Variants in MEX3B observed in about 807,000 individuals in gnomAD.
MEX3B encodes the protein RNA-binding protein MEX3B.
A neutral mutation model predicts 12.2 loss-of-function variants in MEX3B; 10 were observed. That is an observed-to-expected ratio of 0.82 (90% CI 0.51 to 1.40). The LOEUF (loss-of-function observed/expected upper bound fraction) is 1.40, where lower values mean the gene tolerates loss of function less well. Ranked by LOEUF, MEX3B falls within the 40% of genes most tolerant of loss-of-function variation. The probability of loss-of-function intolerance (pLI) is 0.00; values close to 1 mark genes in which losing one functional copy is unlikely to be tolerated. For synonymous variants in MEX3B, 498 were observed against 356.3 expected (o/e 1.40, Z -4.48); for missense variants, 839 against 801.4 (o/e 1.05, Z -0.57).
In MEX3B at chr15:82,043,765, G is replaced by T. The variant is rs934630695; in HGVS notation, c.1105C>A (p.Pro369Thr). ...LQPTFDPAPA[P>T]PPGAPLIWAQ... ...CAGATAAGTGGTGCCCCAGGTGGGG[G>T]AGCGGGAGCCGGGTCAAAAGTGGGC... Residue 369 changes from proline to threonine, a missense_variant, in exon 2 of 2, where the codon CCC (proline) becomes ACC (threonine). Transcript: ENST00000329713. The T allele has an allele frequency of 1.7e-5, 26 of 1,570,844 alleles. No individual in the cohort carries two copies. The highest frequency in any genetic ancestry group is 2.1e-5 in the Non-Finnish European group (24 of 1,159,934).
intron 1 of MEX3B, chr15:82,045,212 G>A (rs530605900): frequency 8.2e-5 from 53 of 642,844 alleles, no homozygotes; most frequent in East Asian, 6.3e-4. Flanking sequence ...GGGGCGTTAG[G>A]GGAGAAGGCA....
chr15:82,044,437 T>C lies in MEX3B; in HGVS notation c.433A>G (p.Thr145Ala). 1 of 1,613,044 alleles carries C rather than the reference T, an allele frequency of 6.2e-7. No individual in the cohort carries two copies. Among genetic ancestry groups the C allele is most frequent in the Non-Finnish European group, 8.5e-7 (1 of 1,179,982 alleles). ...SMIRASRNKN[T>A]ALNGAVPGPP... is the part of the protein sequence containing the mutation. Reference sequence around the variant, plus strand: ...CCAGGCACCGCGCCGTTGAGTGCCGTGTTCTTATTCCGGGAGGCGCGGATC... The same window carrying C: ...CCAGGCACCGCGCCGTTGAGTGCCGCGTTCTTATTCCGGGAGGCGCGGATC... Residue 145 changes from threonine to alanine, a missense_variant, in exon 2 of 2, where the codon ACG (threonine) becomes GCG (alanine). By Grantham distance (58) the Thr-to-Ala change is moderately conservative (BLOSUM62 0). Transcript: ENST00000329713. The surrounding 1 kb of genome is among the most constrained non-coding windows in gnomAD (Gnocchi z 5.3).
At position 82,044,739 on chromosome 15, in the gene MEX3B, C is replaced by A. The variant is rs1038337922; in HGVS notation, c.257-126G>T. The A allele has an allele frequency of 4.0e-5, 37 of 928,374 alleles. No homozygotes were observed. Among genetic ancestry groups the A allele is most frequent in the Admixed American group, 8.4e-5 (4 of 47,364 alleles). The allele number at this position is 928,374 out of a possible 1,614,324, so 57.5% of individuals were successfully genotyped here. A position where few individuals can be genotyped will look rare whatever the true frequency, so the allele number is the denominator to read the frequency against. On this transcript the variant is annotated intron_variant, in intron 1 of 1. Transcript: ENST00000329713. This position sits in a 1 kb window ranked among gnomAD's most constrained non-coding sequence, Gnocchi z 5.3. ...GCGAGACGGCAGGACAAGAGATGGGCGGAAAGGGGGCGTCTCCCTCACTGA... is the reference window on the plus strand; with the variant it reads ...GCGAGACGGCAGGACAAGAGATGGGAGGAAAGGGGGCGTCTCCCTCACTGA...
chr15:82,044,884 C>A lies in MEX3B; in HGVS notation c.257-271G>T. On this transcript the variant is annotated intron_variant, in intron 1 of 1. Transcript: ENST00000329713. The surrounding 1 kb of genome is among the most constrained non-coding windows in gnomAD (Gnocchi z 5.3). ...GTCGTCCCGAACCAAACCCGAGAAT[C>A]CCAGAAAAGTCATCTGGGGAGATGC... is the stretch of plus-strand genomic sequence containing the variant. The A allele has an allele frequency of 1.7e-6, 1 of 584,800 alleles. No individual in the cohort carries two copies. Among genetic ancestry groups the A allele is most frequent in the South Asian group, 2.0e-5 (1 of 49,812 alleles). The allele number at this position is 584,800 out of a possible 1,614,324, so 36.2% of individuals were successfully genotyped here.
rs925806603 is a variant in MEX3B, at chr15:82,044,132, G to T, written c.738C>A (p.Thr246=). ...CATGATGCAGATCGAAGCCCACATC[G>T]GTGCCGTTGGCGTGGAAGTCGTTCT... ...TDENDFHANG[T]DVGFDLHHGS... Residue 246 remains threonine, a synonymous_variant, in exon 2 of 2, where the codon ACC becomes ACA. Transcript: ENST00000329713. The surrounding 1 kb of genome is among the most constrained non-coding windows in gnomAD (Gnocchi z 5.3). 8.1e-6 allele frequency: 13 copies of T among 1,613,656 alleles called. No homozygotes were observed. The East Asian group carries it at 2.7e-4, about 33-fold the overall frequency.
rs938967985 is a variant in MEX3B, at chr15:82,042,644, G to A, written c.*516C>T. On this transcript the variant is annotated 3_prime_UTR_variant, in exon 2 of 2. Transcript: ENST00000329713. ...TCACAGGAACTCCTGGCCCTTCCAC[G>A]AACATTCAAAAAGGATCCACTGTGT... 4.6e-5 allele frequency: 7 copies of A among 152,554 alleles called. No homozygotes were observed. Among genetic ancestry groups the A allele is most frequent in the Admixed American group, 1.3e-4 (2 of 15,276 alleles). The allele number at this position is 152,554 out of a possible 1,614,324, so 9.5% of individuals were successfully genotyped here. A position where few individuals can be genotyped will look rare whatever the true frequency, so the allele number is the denominator to read the frequency against.
chr15:82,045,415 A>ACCCCCCCCCC, intron 1 of MEX3B, 35 bp downstream of exon 1: 26 of 1,530,496 alleles, frequency 1.7e-5, no homozygotes, highest in Non-Finnish European at 2.0e-5. Flanking sequence ...ACCCTACACC[A>ACCCCCCCCCC]CCCCCACCCA....
Sources: allele counts gnomAD v4.1 joint callset, GRCh38; gene constraint gnomAD v4.1.1; non-coding constraint Gnocchi (gnomAD v3.1); transcripts MANE v1.5; gene names NCBI Gene and HGNC (gene_info 2026-07-23, HGNC 2026-07-21).